Variants in PES1 observed in about 807,000 individuals in gnomAD.
PES1 encodes pescadillo ribosomal biogenesis factor 1.
In PES1, 31 loss-of-function variants were observed where a neutral mutation model predicts 77.1. The ratio of observed to expected loss-of-function variants is 0.40; its 90% CI spans 0.30 to 0.54. The LOEUF is 0.54. PES1 is among the 20% of genes least tolerant of loss of function. The pLI, the probability that PES1 is intolerant of heterozygous loss-of-function variation, is 0.45. For missense variants in PES1, 658 were observed against 771.7 expected (o/e 0.85, Z 1.75); for synonymous variants, 282 against 303.0 (o/e 0.93, Z 0.72).
chr22:30,595,642 C>T (rs138447359), upstream of PES1, among the ~76,000 whole-genome samples: 706 of 152,120 alleles, frequency 4.6e-3, 5 homozygotes, highest in South Asian at 0.024. Flanking sequence ...GTCAGCCCTG[C>T]ATTGGCAGGG....
intron 2 of PES1, among the ~76,000 whole-genome samples, chr22:30,599,703 C>G (rs1295701519): frequency 6.6e-6 from 1 of 151,468 alleles, no homozygotes; most frequent in African/African-American, 2.4e-5. Context: ...AGATCAAGAC[C>G]AGCCTGACCA....
chr22:30,584,263 A>C (rs1403642024), intron 6 of PES1, 102 bp downstream of exon 6: 3 of 912,786 alleles, frequency 3.3e-6, no homozygotes, highest in African/African-American at 1.6e-5. Context: ...TTGGGAACCC[A>C]GCACTTGCTA....
intron 4 of PES1, chr22:30,585,085 G>A (rs1044451410): frequency 1.0e-5 from 4 of 391,616 alleles, no homozygotes; most frequent in Admixed American, 3.4e-5. Flanking sequence ...CACTCTACAG[G>A]GAGGTCCAAA....
chr22:30,597,877 G>GTTTT (rs869064352), intron 2 of PES1, among the ~76,000 whole-genome samples: 13 of 90,596 alleles, frequency 1.4e-4, no homozygotes, highest in African/African-American at 2.6e-4. Context: ...CGCAGTTGAA[G>GTTTT]TTTTGTTTTT....
At chr22:30,588,477 G>A (rs982491429) in intron 2 of PES1, among the ~76,000 whole-genome samples, 1 of 152,168 alleles carries the variant, frequency 6.6e-6, no homozygotes, top group Non-Finnish European at 1.5e-5. Flanking sequence ...GTGTTTGAAG[G>A]AATAAAAGTG....
At chr22:30,577,872 G>T (rs577246621) in intron 14 of PES1, among the ~76,000 whole-genome samples, 7 of 152,234 alleles carry the variant, frequency 4.6e-5, no homozygotes, top group Non-Finnish European at 8.8e-5. Context: ...TTAAGAGGCG[G>T]GCAGGAACAT....
At chr22:30,602,072 C>CTTCTT (rs886233173) in intron 2 of PES1, among the ~76,000 whole-genome samples, 3 of 151,846 alleles carry the variant, frequency 2.0e-5, no homozygotes, top group East Asian at 1.9e-4. Context: ...CACCTGGCCC[C>CTTCTT]TTCTTTTCTT....
At chr22:30,595,148 C>G (rs1418520961), upstream of PES1, among the ~76,000 whole-genome samples, 1 of 152,130 alleles carries the variant, frequency 6.6e-6, no homozygotes, top group Admixed American at 6.6e-5. Flanking sequence ...CTGGCACCAA[C>G]AAGGACTCTT....
chr22:30,585,731 T>TA (rs1189691770), intron 4 of PES1, among the ~76,000 whole-genome samples: 87 of 33,398 alleles, frequency 2.6e-3, no homozygotes, highest in South Asian at 7.9e-3. Context: ...GGGCAGGGGT[T>TA]AAAAAAAAAA....
At chr22:30,587,473 C>T (rs2087109090) in intron 3 of PES1, 78 bp from the exon 4 acceptor site, 1 of 1,113,574 alleles carries the variant, frequency 9.0e-7, no homozygotes, top group Non-Finnish European at 1.3e-6. Flanking sequence ...GATGGAAACG[C>T]AGGGCAGAAG....
chr22:30,604,692 A>G (rs1176123212), intron 2 of PES1, among the ~76,000 whole-genome samples: 1 of 151,918 alleles, frequency 6.6e-6, no homozygotes, highest in Admixed American at 6.6e-5. Flanking sequence ...GCTGGCTTGC[A>G]GCTGGCTTTA....
chr22:30,597,876 AG>A lies in PES1; in HGVS notation c.-660-5479del, dbSNP rs2087282639. ...CTCGGTTTTTTTTCCACGCAGTTGA[AG>A]TTTTGTTTTTTTTTTTTTTGTTTTG... On this transcript the variant is annotated intron_variant, in intron 2 of 16. Coordinates refer to the PES1 transcript ENST00000402281. Among the ~76,000 whole-genome samples the A allele has an allele frequency of 2.5e-4, 31 of 125,160 alleles. 2 individuals carry two copies. Among genetic ancestry groups the A allele is most frequent in the Middle Eastern group, 5.1e-3 (1 of 198 alleles). The allele number at this position is 125,160 out of a possible 152,430, so 82.1% of individuals were successfully genotyped here. A position where few individuals can be genotyped will look rare whatever the true frequency, so the allele number is the denominator to read the frequency against.
intron 2 of PES1, among the ~76,000 whole-genome samples, chr22:30,600,323 C>T (rs1038089330): frequency 1.3e-5 from 2 of 152,182 alleles, no homozygotes; most frequent in East Asian, 1.9e-4. Flanking sequence ...CTCTCGGCTC[C>T]TTCAGACTTC....
chr22:30,593,321 T>C (rs2087209869), upstream of PES1, among the ~76,000 whole-genome samples: 1 of 152,040 alleles, frequency 6.6e-6, no homozygotes, highest in African/African-American at 2.4e-5. Context: ...AACCCATCTC[T>C]ACCAAAAATA....
intron 6 of PES1, among the ~76,000 whole-genome samples, chr22:30,582,716 G>C (rs1179086833): frequency 6.6e-6 from 1 of 152,168 alleles, no homozygotes; most frequent in African/African-American, 2.4e-5. Context: ...TGTGCTGTGA[G>C]AGCACATAGG....
At chr22:30,596,897 G>A (rs369694091), upstream of PES1, among the ~76,000 whole-genome samples, 54 of 152,344 alleles carry the variant, frequency 3.5e-4, no homozygotes, top group Middle Eastern at 0.01. Flanking sequence ...TGTGCGCGGC[G>A]CTTGCGGGCC....
chr22:30,587,539 C>CT, intron 3 of PES1, 144 bp from the exon 4 acceptor site: 1 of 648,100 alleles, frequency 1.5e-6, no homozygotes. Context: ...ACTGACCCCT[C>CT]TGCCCAGGAT....
Position 30,578,850 on chromosome 22 carries a change from C to T in PES1, c.1670G>A (p.Arg557Gln), listed in dbSNP as rs142274288. 64 of 1,612,168 alleles carry T rather than the reference C, an allele frequency of 4.0e-5. No homozygotes were observed. Among genetic ancestry groups the T allele is most frequent in the Middle Eastern group, 2.2e-4 (1 of 4,542 alleles). ...LYQKIMFGKR[R>Q]KIREANKLAE... is the part of the protein sequence containing the mutation. Reference sequence around the variant, plus strand: ...GCAAGAACTCACCTCTCGGATTTTTCGCCTCTTGCCAAACATGATCTTCTG... The same window carrying T: ...GCAAGAACTCACCTCTCGGATTTTTTGCCTCTTGCCAAACATGATCTTCTG... The change falls in exon 14 of 15, where the codon CGA becomes CAA. Residue 557 changes from arginine to glutamine, a missense_variant. Arg to Gln is a conservative substitution (Grantham distance 43, BLOSUM62 1). Transcript: ENST00000354694.
At chr22:30,590,355 G>A (rs1423765303) in intron 1 of PES1, among the ~76,000 whole-genome samples, 1 of 152,204 alleles carries the variant, frequency 6.6e-6, no homozygotes, top group Non-Finnish European at 1.5e-5. Flanking sequence ...TAAGACAGCA[G>A]GGGCCTCTTT....
Sources: allele counts gnomAD v4.1 joint callset (sites outside exome capture counted in the v4.1 genomes callset), GRCh38; gene constraint gnomAD v4.1.1; transcripts MANE v1.5; gene names NCBI Gene and HGNC (gene_info 2026-07-23, HGNC 2026-07-21).